GRID2: variants seen among roughly 807,000 people sequenced by gnomAD.
The protein encoded by GRID2 is glutamate ionotropic receptor delta type subunit 2.
A neutral mutation model predicts 114.8 loss-of-function variants in GRID2; 33 were observed. The observed-to-expected ratio is 0.29, with a 90% CI of 0.22 to 0.38. The LOEUF (loss-of-function observed/expected upper bound fraction) is 0.38, where lower values mean the gene tolerates loss of function less well. GRID2 is among the 10% of genes least tolerant of loss of function. GRID2 has a pLI of 1.00. For missense variants in GRID2, 1,184 were observed against 1,257.7 expected (o/e 0.94, Z 0.89); for synonymous variants, 505 against 449.9 (o/e 1.12, Z -1.55).
At chr4:92,725,878 G>A (rs888500264) in intron 2 of GRID2, among the ~76,000 whole-genome samples, 1 of 151,928 alleles carries the variant, frequency 6.6e-6, no homozygotes, top group African/African-American at 2.4e-5. Flanking sequence ...CTTTCTGTTG[G>A]GCTTAGCTTT....
At chr4:93,124,268 A>G (rs1004730025) in intron 4 of GRID2, among the ~76,000 whole-genome samples, 4 of 152,200 alleles carry the variant, frequency 2.6e-5, no homozygotes, top group Non-Finnish European at 5.9e-5. Context: ...GATTTAATTA[A>G]AATGATTTTC....
At chr4:93,228,022 C>T (rs914761222) in intron 7 of GRID2, among the ~76,000 whole-genome samples, 2 of 152,072 alleles carry the variant, frequency 1.3e-5, no homozygotes, top group South Asian at 2.1e-4. Context: ...AGTTTTTTTG[C>T]TAGTCTGATC....
At chr4:92,401,024 C>T (rs936098248) in intron 1 of GRID2, among the ~76,000 whole-genome samples, 3 of 152,100 alleles carry the variant, frequency 2.0e-5, no homozygotes, top group African/African-American at 7.2e-5. Context: ...AAAACTTTCT[C>T]CCATTCTGTG....
At chr4:93,167,553 A>AACC (rs962487637) in intron 4 of GRID2, among the ~76,000 whole-genome samples, 1 of 152,134 alleles carries the variant, frequency 6.6e-6, no homozygotes, top group African/African-American at 2.4e-5. Context: ...TCTGCAACAC[A>AACC]ACCACCACCA....
chr4:92,451,307 T>C (rs1272928661), intron 1 of GRID2, among the ~76,000 whole-genome samples: 1 of 152,158 alleles, frequency 6.6e-6, no homozygotes. Context: ...TTAGTGATAT[T>C]AATTAAATCA....
chr4:93,277,521 T>C (rs1177134475), intron 8 of GRID2, among the ~76,000 whole-genome samples: 1 of 151,930 alleles, frequency 6.6e-6, no homozygotes, highest in Non-Finnish European at 1.5e-5. Context: ...AAGTACTTTT[T>C]GGCTATTTGC....
At chr4:93,396,876 A>C (rs1405638197) in intron 9 of GRID2, among the ~76,000 whole-genome samples, 2 of 152,062 alleles carry the variant, frequency 1.3e-5, no homozygotes, top group Non-Finnish European at 2.9e-5. Context: ...CAATGTGTTT[A>C]ATCATGTGCT....
chr4:93,518,576 G>T (rs183182355), intron 13 of GRID2, among the ~76,000 whole-genome samples: 1 of 152,092 alleles, frequency 6.6e-6, no homozygotes, highest in Non-Finnish European at 1.5e-5. Context: ...ATTATAGTGG[G>T]TATAAACAAT....
At chr4:93,712,139 A>T (rs1728541147) in intron 14 of GRID2, among the ~76,000 whole-genome samples, 1 of 151,384 alleles carries the variant, frequency 6.6e-6, no homozygotes, top group South Asian at 2.1e-4. Context: ...GAGAAGTTCA[A>T]ATTTTATTAT....
chr4:93,308,669 A>T (rs1281105450), intron 8 of GRID2, among the ~76,000 whole-genome samples: 1 of 152,246 alleles, frequency 6.6e-6, no homozygotes, highest in Non-Finnish European at 1.5e-5. Flanking sequence ...GAAAAATAGA[A>T]TAAGTAGTCT....
intron 8 of GRID2, among the ~76,000 whole-genome samples, chr4:93,313,836 A>T (rs1353644913): frequency 1.3e-5 from 2 of 152,208 alleles, no homozygotes; most frequent in Non-Finnish European, 2.9e-5. Context: ...GGGTTGGTTT[A>T]GAATTCCTAC....
At chr4:93,473,390 G>C (rs1431734765) in intron 11 of GRID2, among the ~76,000 whole-genome samples, 1 of 151,962 alleles carries the variant, frequency 6.6e-6, no homozygotes, top group Non-Finnish European at 1.5e-5. Context: ...AATCACATAA[G>C]TTTTAATAGA....
intron 2 of GRID2, among the ~76,000 whole-genome samples, chr4:93,069,759 A>T (rs1728650348): frequency 6.6e-6 from 1 of 152,054 alleles, no homozygotes; most frequent in South Asian, 2.1e-4. Flanking sequence ...TGCCTGAAGA[A>T]ACTGAAACCC....
intron 2 of GRID2, among the ~76,000 whole-genome samples, chr4:92,885,556 T>C (rs1410240222): frequency 6.6e-6 from 1 of 152,200 alleles, no homozygotes; most frequent in Non-Finnish European, 1.5e-5. Flanking sequence ...GATGGTACTT[T>C]TCATTTCAAA....
intron 8 of GRID2, among the ~76,000 whole-genome samples, chr4:93,249,324 CT>C (rs537949568): frequency 2.4e-4 from 36 of 152,168 alleles, no homozygotes; most frequent in African/African-American, 8.4e-4. Context: ...CAGCTTTGTT[CT>C]TTTGGCTTAG....
At chr4:92,411,701 C>CT (rs1230235549) in intron 1 of GRID2, among the ~76,000 whole-genome samples, 7 of 112,202 alleles carry the variant, frequency 6.2e-5, no homozygotes, top group African/African-American at 1.5e-4. Flanking sequence ...CAGTGTATTT[C>CT]TTTTTTTTGT....
At chr4:93,085,511 T>C (rs1190364792) in intron 3 of GRID2, among the ~76,000 whole-genome samples, 1 of 152,150 alleles carries the variant, frequency 6.6e-6, no homozygotes, top group African/African-American at 2.4e-5. Flanking sequence ...ACTTAATGCT[T>C]AGTTTACAAA....
chr4:93,631,723 A>T (rs1350662557), intron 14 of GRID2, among the ~76,000 whole-genome samples: 1 of 152,200 alleles, frequency 6.6e-6, no homozygotes, highest in Non-Finnish European at 1.5e-5. Context: ...TCCTTTGGGT[A>T]TATACCCAGT....
intron 13 of GRID2, among the ~76,000 whole-genome samples, chr4:93,606,213 G>A (rs1020641903): frequency 9.9e-5 from 15 of 152,104 alleles, no homozygotes; most frequent in African/African-American, 3.6e-4. Flanking sequence ...ACTGCAGTGA[G>A]CTGAGATCAC....
Sources: allele counts gnomAD v4.1 joint callset (sites outside exome capture counted in the v4.1 genomes callset), GRCh38; gene constraint gnomAD v4.1.1; transcripts MANE v1.5; gene names NCBI Gene and HGNC (gene_info 2026-07-23, HGNC 2026-07-21).